CELF4: variants seen among roughly 807,000 people sequenced by gnomAD.
CELF4 encodes CUG-BP- and ETR-3-like factor 4.
Under a neutral mutation model 59.9 loss-of-function variants are expected in CELF4, and 18 were observed. The ratio of observed to expected loss-of-function variants is 0.30; its 90% CI spans 0.21 to 0.45. CELF4 has a LOEUF of 0.45. Ranked by LOEUF, CELF4 falls within the 20% of genes least tolerant of loss-of-function variation. CELF4 has a pLI of 1.00. For missense variants in CELF4, 456 were observed against 689.0 expected (o/e 0.66, Z 3.79); for synonymous variants, 261 against 267.1 (o/e 0.98, Z 0.22).
intron 2 of CELF4, among the ~76,000 whole-genome samples, chr18:37,363,542 C>T (rs982123078): frequency 2.2e-4 from 33 of 152,118 alleles, no homozygotes; most frequent in Admixed American, 1.6e-3. Context: ...GCAGACGTTA[C>T]CAGAGAGTTA....
At position 37,340,396 on chromosome 18, in the gene CELF4, A is replaced by G. The variant is rs185857575; in HGVS notation, c.370-18515T>C. ...AGACCAACATGACAGTGCTCCTCAC[A>G]AGGTCCTGGGCTGGGTCTTAATACA... On this transcript the variant is annotated intron_variant, in intron 2 of 12. Transcript: ENST00000420428. 8.8e-3 allele frequency among the ~76,000 whole-genome samples: 1,337 copies of G among 152,316 alleles called. 27 individuals are homozygous for G. Among genetic ancestry groups the G allele is most frequent in the Non-Finnish European group, 8.2e-3 (555 of 68,026 alleles).
intron 3 of CELF4, among the ~76,000 whole-genome samples, chr18:37,310,307 G>T (rs898925521): frequency 9.2e-5 from 14 of 152,048 alleles, no homozygotes; most frequent in Admixed American, 5.9e-4. Flanking sequence ...GCCTGCTCTC[G>T]CTCCCTCCCT....
intron 2 of CELF4, among the ~76,000 whole-genome samples, chr18:37,423,248 T>A (rs550067070): frequency 6.6e-6 from 1 of 152,346 alleles, no homozygotes; most frequent in East Asian, 1.9e-4. Context: ...AGGTGTGCCC[T>A]GTCCTTGGCT....
Position 37,353,742 on chromosome 18 carries a change from G to A in CELF4, c.370-31861C>T, listed in dbSNP as rs1469929562. On this transcript the variant is annotated intron_variant, in intron 2 of 12. Coordinates refer to ENST00000420428, the MANE Select transcript of CELF4 (RefSeq NM_020180.4). The stretch of plus-strand genomic sequence containing the variant: ...AAATGCCAAAGAGACCAGTGGGCTG[G>A]TGGGGGCGGGGGGGGCAGTTCTTTC... Among the ~76,000 whole-genome samples the A allele has an allele frequency of 3.5e-5, 5 of 144,594 alleles. No individual in the cohort carries two copies. The South Asian group carries it at 1.2e-3, about 34-fold the overall frequency. The allele number at this position is 144,594 out of a possible 152,430, so 94.9% of individuals were successfully genotyped here. A position where few individuals can be genotyped will look rare whatever the true frequency, so the allele number is the denominator to read the frequency against.
At chr18:37,310,607 G>T (rs533489632) in intron 3 of CELF4, among the ~76,000 whole-genome samples, 1 of 152,108 alleles carries the variant, frequency 6.6e-6, no homozygotes. Context: ...TACCACTTCT[G>T]ATCTCTCTGG....
chr18:37,496,459 C>T (rs991079543), intron 1 of CELF4, among the ~76,000 whole-genome samples: 9 of 152,288 alleles, frequency 5.9e-5, no homozygotes, highest in South Asian at 2.1e-4. Flanking sequence ...GAAATAATCT[C>T]GCCTCTGTCC....
At chr18:37,538,991 C>A (rs958537686) in intron 1 of CELF4, among the ~76,000 whole-genome samples, 5 of 152,160 alleles carry the variant, frequency 3.3e-5, no homozygotes, top group African/African-American at 1.2e-4. Context: ...CCCAGCAGCT[C>A]CCTCCCTGCC....
At position 37,270,787 on chromosome 18, in the gene CELF4, A is replaced by G; in HGVS notation, c.1080T>C (p.Asn360=). 1.2e-6 allele frequency: 2 copies of G among 1,613,942 alleles called. No individual in the cohort carries two copies. The highest frequency in any genetic ancestry group is 2.2e-5 in the South Asian group (2 of 91,068). The part of the protein sequence containing the change: ...GQPAAEAVFA[N]GIHPYPAQSP... The stretch of plus-strand genomic sequence containing the variant: ...GCTTACCTGGGTAGGGGTGGATGCC[A>G]TTGGCGAACACAGCTTCCGCAGCAG... The change falls in exon 8 of 13, where the codon AAT becomes AAC. Residue 360 remains asparagine (N), a synonymous_variant. Transcript: ENST00000420428.
intron 1 of CELF4, among the ~76,000 whole-genome samples, chr18:37,524,041 C>G (rs1450105196): frequency 2.0e-5 from 3 of 152,250 alleles, no homozygotes; most frequent in Non-Finnish European, 4.4e-5. Context: ...CAGAGAGACA[C>G]TGTGCTCCGC....
Position 37,565,755 on chromosome 18 carries a change from T to A in CELF4, c.-114A>T. The stretch of plus-strand genomic sequence containing the variant: ...TACACACACTCGGGTTCTCTCCCCC[T>A]CGGTTTCTCTACACCTCGCTCTCCG... On this transcript the variant is annotated 5_prime_UTR_variant, in exon 1 of 13. Transcript: ENST00000420428. The A allele has an allele frequency of 1.3e-6, 1 of 783,692 alleles. No homozygotes were observed. Among genetic ancestry groups the A allele is most frequent in the Non-Finnish European group, 1.9e-6 (1 of 529,540 alleles). The allele number at this position is 783,692 out of a possible 1,614,324, so 48.5% of individuals were successfully genotyped here. A position where few individuals can be genotyped will look rare whatever the true frequency, so the allele number is the denominator to read the frequency against.
At chr18:37,359,225 T>G (rs1443186963) in intron 2 of CELF4, among the ~76,000 whole-genome samples, 1 of 152,212 alleles carries the variant, frequency 6.6e-6, no homozygotes, top group African/African-American at 2.4e-5. Flanking sequence ...CCCTGAAGAC[T>G]CAGCCCATGT....
At chr18:37,321,757 G>T (rs1187281963) in intron 3 of CELF4, 46 bp downstream of exon 3, 3 of 1,356,292 alleles carry the variant, frequency 2.2e-6, no homozygotes, top group African/African-American at 1.4e-5. Context: ...AAAGGAGGGA[G>T]GAGTGAGAGG....
At chr18:37,267,714 T>C (rs1181741314) in intron 8 of CELF4, among the ~76,000 whole-genome samples, 2 of 152,140 alleles carry the variant, frequency 1.3e-5, no homozygotes, top group African/African-American at 4.8e-5. Flanking sequence ...CACGTTTCCC[T>C]GAGTATCTCA....
chr18:37,353,161 C>A (rs1417413993), intron 2 of CELF4, among the ~76,000 whole-genome samples: 1 of 145,750 alleles, frequency 6.9e-6, no homozygotes, highest in Non-Finnish European at 1.5e-5. Context: ...GCGGAAGTTG[C>A]AGTGAGCCGA....
intron 3 of CELF4, among the ~76,000 whole-genome samples, chr18:37,286,174 G>A (rs1462595130): frequency 6.6e-6 from 1 of 152,152 alleles, no homozygotes; most frequent in East Asian, 1.9e-4. Flanking sequence ...AGAGACCAAG[G>A]AATGGTGTTA....
At chr18:37,361,943 G>C (rs867325089) in intron 2 of CELF4, among the ~76,000 whole-genome samples, 1 of 152,114 alleles carries the variant, frequency 6.6e-6, no homozygotes, top group East Asian at 1.9e-4. Flanking sequence ...AGCTTCAGAG[G>C]GTACCCAGGG....
At chr18:37,451,261 A>T (rs1287894762) in intron 2 of CELF4, among the ~76,000 whole-genome samples, 1 of 152,098 alleles carries the variant, frequency 6.6e-6, no homozygotes, top group Non-Finnish European at 1.5e-5. Flanking sequence ...TGTGAGCCTG[A>T]TAAGGGAGGT....
At chr18:37,528,081 G>A (rs2099965805) in intron 1 of CELF4, among the ~76,000 whole-genome samples, 1 of 152,202 alleles carries the variant, frequency 6.6e-6, no homozygotes, top group Non-Finnish European at 1.5e-5. Context: ...GGCCCTGAGA[G>A]CAAAGTGACT....
intron 1 of CELF4, among the ~76,000 whole-genome samples, chr18:37,497,084 G>A (rs2099926049): frequency 6.6e-6 from 1 of 152,150 alleles, no homozygotes; most frequent in Admixed American, 6.5e-5. Context: ...GTTGGTAAAT[G>A]GGGAGCCTGG....
Sources: gnomAD v4.1 joint callset for allele counts (sites outside exome capture counted in the v4.1 genomes callset) on GRCh38, gnomAD v4.1.1 for gene constraint, MANE v1.5 for transcripts, NCBI Gene and HGNC (gene_info 2026-07-23, HGNC 2026-07-21) for gene names.